DNAJC3: variants seen among roughly 807,000 people sequenced by gnomAD.
DNAJC3 encodes DnaJ heat shock protein family (Hsp40) member C3.
Under a neutral mutation model 68.6 loss-of-function variants are expected in DNAJC3, and 38 were observed. The observed-to-expected ratio is 0.55, with a 90% CI of 0.43 to 0.73. The LOEUF (loss-of-function observed/expected upper bound fraction) is 0.73. Among genes scored for constraint, DNAJC3 ranks in the 30% least tolerant of loss-of-function variants. The pLI, the probability that DNAJC3 is intolerant of heterozygous loss-of-function variation, is 0.00. For synonymous variants in DNAJC3, 203 were observed against 204.0 expected (o/e 1.00, Z 0.04); for missense variants, 526 against 591.9 (o/e 0.89, Z 1.16).
intron 7 of DNAJC3, among the ~76,000 whole-genome samples, chr13:95,762,175 T>C (rs1882844594): frequency 6.6e-6 from 1 of 152,048 alleles, no homozygotes; most frequent in African/African-American, 2.4e-5. Context: ...GGTGGGAGAA[T>C]CGCTTGAACC....
At chr13:95,688,845 T>C (rs1880138078) in intron 1 of DNAJC3, among the ~76,000 whole-genome samples, 1 of 152,112 alleles carries the variant, frequency 6.6e-6, no homozygotes, top group Non-Finnish European at 1.5e-5. Flanking sequence ...TGTTTTTAAT[T>C]CTGTTTATGT....
intron 9 of DNAJC3, among the ~76,000 whole-genome samples, chr13:95,779,364 T>TCCAC (rs1883384409): frequency 6.6e-6 from 1 of 152,146 alleles, no homozygotes; most frequent in Non-Finnish European, 1.5e-5. Flanking sequence ...GACCTCGTGA[T>TCCAC]CTGCCCACTG....
At chr13:95,743,649 C>T (rs1346632933) in intron 4 of DNAJC3, among the ~76,000 whole-genome samples, 2 of 152,076 alleles carry the variant, frequency 1.3e-5, no homozygotes, top group African/African-American at 4.8e-5. Flanking sequence ...CCTCTGCCTC[C>T]TGGGTTCAAG....
chr13:95,690,637 G>A (rs1356601678), intron 1 of DNAJC3, among the ~76,000 whole-genome samples: 6 of 141,512 alleles, frequency 4.2e-5, no homozygotes, highest in South Asian at 2.3e-4. Context: ...CCTCCCTCCC[G>A]GACGGGGCGG....
rs2139682221 is a variant in DNAJC3, at chr13:95,768,487, T to C, written c.1075+4534T>C. Among the ~76,000 whole-genome samples, 9 of 152,304 alleles carry C rather than the reference T, an allele frequency of 5.9e-5. 2 individuals carry two copies. In the South Asian group the frequency reaches 1.9e-3, roughly 32 times the overall value. On this transcript the variant is annotated intron_variant, in intron 9 of 11. Transcript: ENST00000602402. ...GTTACTAGTAATATCAATAATTCTGTGAATAGGGCCAAGTAGATTGCTTTC... is the reference window on the plus strand; with the variant it reads ...GTTACTAGTAATATCAATAATTCTGCGAATAGGGCCAAGTAGATTGCTTTC...
intron 1 of DNAJC3, among the ~76,000 whole-genome samples, chr13:95,702,279 A>C (rs1880605341): frequency 6.6e-6 from 1 of 151,946 alleles, no homozygotes; most frequent in Non-Finnish European, 1.5e-5. Context: ...CTCCCAAGCA[A>C]CCATTATTTT....
intron 4 of DNAJC3, among the ~76,000 whole-genome samples, chr13:95,747,185 G>T (rs73552768): frequency 1.2e-4 from 19 of 152,166 alleles, no homozygotes; most frequent in African/African-American, 4.6e-4. Flanking sequence ...GAGCATTTGA[G>T]TGCATGTTCT....
chr13:95,698,139 A>G (rs554903992), intron 1 of DNAJC3, among the ~76,000 whole-genome samples: 1 of 151,776 alleles, frequency 6.6e-6, no homozygotes, highest in Non-Finnish European at 1.5e-5. Context: ...TTGTGCCTAT[A>G]GAGTATGCTC....
At chr13:95,756,135 C>A (rs1882655473) in intron 4 of DNAJC3, among the ~76,000 whole-genome samples, 1 of 152,204 alleles carries the variant, frequency 6.6e-6, no homozygotes, top group African/African-American at 2.4e-5. Context: ...GTCTTTGATA[C>A]ATTCTATCTA....
rs973782172 is a variant in DNAJC3 at position 95,791,166 on chromosome 13, A to G, written c.*136A>G. 3 of 971,718 alleles carry G rather than the reference A, an allele frequency of 3.1e-6. No individual in the cohort carries two copies. Among genetic ancestry groups the G allele is most frequent in the Non-Finnish European group, 4.5e-6 (3 of 660,624 alleles). 60.2% of individuals were successfully genotyped at this position (971,718 alleles called of 1,614,324 possible). A position where few individuals can be genotyped will look rare whatever the true frequency, so the allele number is the denominator to read the frequency against. ...CAAAGAGTTGCTTTAATAGGAAAAA[A>G]TCTGTTCTTATCCCTGTCAGATTTA... On this transcript the variant is annotated 3_prime_UTR_variant, in exon 12 of 12. Coordinates refer to ENST00000602402, the MANE Select transcript of DNAJC3 (RefSeq NM_006260.5).
At chr13:95,717,207 C>T (rs1345487197) in intron 2 of DNAJC3, among the ~76,000 whole-genome samples, 1 of 152,170 alleles carries the variant, frequency 6.6e-6, no homozygotes, top group African/African-American at 2.4e-5. Flanking sequence ...GTGAAATGAT[C>T]GATTTCTTCA....
rs180977198 is a variant in DNAJC3, at chr13:95,714,005, G to A, written c.193+4668G>A. On this transcript the variant is annotated intron_variant, in intron 2 of 11. Coordinates refer to ENST00000602402, the MANE Select transcript of DNAJC3 (RefSeq NM_006260.5). The stretch of plus-strand genomic sequence containing the variant: ...AAACATAAATAGTTGCATTGCAGTA[G>A]CCTGCTGTATAAATATACGGAGAAC... 1.7e-4 allele frequency among the ~76,000 whole-genome samples: 26 copies of A among 152,292 alleles called. No individual in the cohort carries two copies. In the East Asian group the frequency reaches 4.6e-3, roughly 27 times the overall value.
chr13:95,794,361 G>A lies in DNAJC3; in HGVS notation c.*3331G>A, dbSNP rs1167304458. On this transcript the variant is annotated 3_prime_UTR_variant, in exon 12 of 12. Transcript: ENST00000602402. ...ACTACATAAAATGGCTCCCTGGTGA[G>A]GTTACAGACACGGCCCTGGTGATGG... is the stretch of plus-strand genomic sequence containing the variant. 6.6e-6 allele frequency: 1 copy of A among 152,214 alleles called. No individual in the cohort carries two copies. Among genetic ancestry groups the A allele is most frequent in the Non-Finnish European group, 1.5e-5 (1 of 68,032 alleles). The allele number at this position is 152,214 out of a possible 1,614,324, so 9.4% of individuals were successfully genotyped here.
chr13:95,692,830 T>TC (rs1362647671), intron 1 of DNAJC3: 2 of 150,536 alleles, frequency 1.3e-5, no homozygotes, highest in East Asian at 3.9e-4. Flanking sequence ...TGCCTTTTTT[T>TC]TTTTTTTTGA....
At position 95,740,677 on chromosome 13, in the gene DNAJC3, C is replaced by G. The variant is rs866875664; in HGVS notation, c.393+15425C>G. On this transcript the variant is annotated intron_variant, in intron 4 of 11. Coordinates refer to ENST00000602402, the MANE Select transcript of DNAJC3 (RefSeq NM_006260.5). Reference sequence around the variant, plus strand: ...GCCTCGCCCTGCTTCGGCTCGCGCACGGTGCACGCACCCACTGACCTGCGC... The same window carrying G: ...GCCTCGCCCTGCTTCGGCTCGCGCAGGGTGCACGCACCCACTGACCTGCGC... Among the ~76,000 whole-genome samples, 550 of 151,796 alleles carry G rather than the reference C, an allele frequency of 3.6e-3. 4 individuals are homozygous for G. The highest frequency in any genetic ancestry group is 0.013 in the African/African-American group (519 of 41,422).
At chr13:95,790,842 T>G in intron 11 of DNAJC3, 31 bp from the exon 12 acceptor site, 1 of 1,601,372 alleles carries the variant, frequency 6.2e-7, no homozygotes, top group South Asian at 1.1e-5. Flanking sequence ...TTAGATATTA[T>G]CTGGTTCTTA....
In DNAJC3 at chr13:95,783,038, C is replaced by A. The variant is rs1883498240; in HGVS notation, c.1076-2901C>A. Among the ~76,000 whole-genome samples, 4 of 152,272 alleles carry A rather than the reference C, an allele frequency of 2.6e-5. No homozygotes were observed. The South Asian group carries it at 8.3e-4, about 32-fold the overall frequency. ...GTTTCAGTTTTCCACATATGGCTAG[C>A]CAGTTTTCCAACACCATTTATTAAA... On this transcript the variant is annotated intron_variant, in intron 9 of 11. Coordinates refer to ENST00000602402, the MANE Select transcript of DNAJC3 (RefSeq NM_006260.5).
chr13:95,760,585 G>A, intron 6 of DNAJC3, 94 bp from the exon 7 acceptor site: 1 of 1,475,110 alleles, frequency 6.8e-7, no homozygotes, highest in South Asian at 1.4e-5. Context: ...TTTAATCGTT[G>A]CAAACAAAAA....
chr13:95,736,087 C>T (rs2139652971), intron 4 of DNAJC3, among the ~76,000 whole-genome samples: 1 of 152,174 alleles, frequency 6.6e-6, no homozygotes, highest in East Asian at 1.9e-4. Flanking sequence ...GAATCCTTTC[C>T]CCATTGCTTG....
Sources: allele counts gnomAD v4.1 joint callset (sites outside exome capture counted in the v4.1 genomes callset), GRCh38; gene constraint gnomAD v4.1.1; transcripts MANE v1.5; gene names NCBI Gene and HGNC (gene_info 2026-07-23, HGNC 2026-07-21).